The following MAP7 variants were observed in gnomAD, a reference collection of about 807,000 sequenced individuals.
MAP7 encodes the protein microtubule associated protein 7.
Under a neutral mutation model 94.8 loss-of-function variants are expected in MAP7, and 52 were observed. The ratio of observed to expected loss-of-function variants is 0.55; its 90% CI spans 0.44 to 0.69. MAP7 has a LOEUF of 0.69. Ranked by LOEUF, MAP7 falls within the 30% of genes least tolerant of loss-of-function variation. The probability of loss-of-function intolerance (pLI) is 0.00; values close to 1 mark genes in which losing one functional copy is unlikely to be tolerated. For missense variants in MAP7, 940 were observed against 964.6 expected, an observed-to-expected ratio of 0.97 and a Z score of 0.34; for synonymous variants, 350 against 357.0, an observed-to-expected ratio of 0.98 and a Z score of 0.22.
At position 136,345,891 on chromosome 6, in the gene MAP7, G is replaced by A. The variant is rs1160701256; in HGVS notation, c.2204C>T (p.Pro735Leu). 5 of 1,614,154 alleles carry A rather than the reference G, an allele frequency of 3.1e-6. No homozygotes were observed. Among genetic ancestry groups the A allele is most frequent in the Non-Finnish European group, 4.2e-6 (5 of 1,180,016 alleles). The change falls in exon 17 of 18, where the codon CCT becomes CTT. Residue 735 changes from proline (P) to leucine (L), a missense_variant. Pro to Leu is a moderately conservative substitution (Grantham distance 98). Transcript: ENST00000354570. ...FDDEGTLGPL[P>L]QVDGVQTQQT... ...CTGTGTCTGAACACCATCTACCTGAGGCAGGGGCCCAAGTGTCCCTTCATC... is the reference window on the plus strand; with the variant it reads ...CTGTGTCTGAACACCATCTACCTGAAGCAGGGGCCCAAGTGTCCCTTCATC...
chr6:136,415,563 C>T (rs1789111416), intron 2 of MAP7, among the ~76,000 whole-genome samples: 1 of 152,152 alleles, frequency 6.6e-6, no homozygotes, highest in Non-Finnish European at 1.5e-5. Flanking sequence ...TGAGGCAATG[C>T]CCGATTGTGC....
intron 1 of MAP7, among the ~76,000 whole-genome samples, chr6:136,489,512 G>T: frequency 1.4e-5 from 2 of 142,222 alleles, no homozygotes; most frequent in Admixed American, 7.0e-5. Flanking sequence ...ACAATGCTCT[G>T]TAACATCAGG....
intron 1 of MAP7, among the ~76,000 whole-genome samples, chr6:136,456,594 C>T (rs1306678682): frequency 6.6e-6 from 1 of 151,554 alleles, no homozygotes. Context: ...ATCACCTGAT[C>T]CCAGGAGATC....
chr6:136,419,130 C>T (rs2128762945), intron 2 of MAP7, among the ~76,000 whole-genome samples: 1 of 152,304 alleles, frequency 6.6e-6, no homozygotes, highest in South Asian at 2.1e-4. Context: ...AATCTCTCGT[C>T]ACACTGGTGG....
chr6:136,452,323 C>A (rs1801407492), intron 1 of MAP7, among the ~76,000 whole-genome samples: 1 of 152,290 alleles, frequency 6.6e-6, no homozygotes, highest in East Asian at 1.9e-4. Context: ...GGTGAAGATA[C>A]TATGAATGTT....
chr6:136,487,522 G>A (rs1338602302), intron 1 of MAP7, among the ~76,000 whole-genome samples: 4 of 152,104 alleles, frequency 2.6e-5, no homozygotes, highest in South Asian at 2.1e-4. Flanking sequence ...GTAACATAGC[G>A]AGATCCCGTT....
At chr6:136,384,537 A>C (rs1479445284) in intron 5 of MAP7, among the ~76,000 whole-genome samples, 1 of 151,028 alleles carries the variant, frequency 6.6e-6, no homozygotes, top group African/African-American at 2.4e-5. Flanking sequence ...TCTGTTGGCC[A>C]GGCTGGCATG....
chr6:136,372,640 AT>A lies in MAP7; in HGVS notation c.752-16del. Reference sequence around the variant, plus strand: ...GCTGCAAGATGCTGAACGAGGACAAATGGGGATAACTAGGGTGCAGGTGATT... The same window carrying A: ...GCTGCAAGATGCTGAACGAGGACAAAGGGGATAACTAGGGTGCAGGTGATT... On this transcript the variant is annotated splice_polypyrimidine_tract_variant and intron_variant, in intron 7 of 17. Coordinates refer to ENST00000354570, the MANE Select transcript of MAP7 (RefSeq NM_003980.6). 7 of 1,614,176 alleles carry A rather than the reference AT, an allele frequency of 4.3e-6. No homozygotes were observed. The highest frequency in any genetic ancestry group is 1.3e-5 in the African/African-American group (1 of 75,060).
At chr6:136,367,726 C>A (rs1382630334) in intron 8 of MAP7, among the ~76,000 whole-genome samples, 1 of 152,124 alleles carries the variant, frequency 6.6e-6, no homozygotes, top group Admixed American at 6.5e-5. Flanking sequence ...ATTTTAGGTC[C>A]CCAAAAGTAG....
chr6:136,480,121 G>T (rs1051346534), intron 1 of MAP7, among the ~76,000 whole-genome samples: 3 of 152,102 alleles, frequency 2.0e-5, no homozygotes, highest in Non-Finnish European at 4.4e-5. Context: ...AACCAAAATA[G>T]CATGGTACTG....
At chr6:136,478,392 G>C (rs1466086227) in intron 1 of MAP7, among the ~76,000 whole-genome samples, 1 of 151,930 alleles carries the variant, frequency 6.6e-6, no homozygotes, top group East Asian at 1.9e-4. Flanking sequence ...AGACCAGCCT[G>C]GGCAAGACAG....
intron 8 of MAP7, among the ~76,000 whole-genome samples, chr6:136,371,839 T>C (rs914018292): frequency 6.6e-6 from 1 of 152,222 alleles, no homozygotes; most frequent in Admixed American, 6.5e-5. Context: ...CTCATTGCAT[T>C]TATAGCATGG....
intron 1 of MAP7, among the ~76,000 whole-genome samples, chr6:136,525,005 AAC>A (rs934585872): frequency 3.3e-5 from 5 of 152,222 alleles, no homozygotes; most frequent in African/African-American, 1.2e-4. Context: ...GAAAATGTAA[AAC>A]ACAGGCCTTA....
intron 3 of MAP7, among the ~76,000 whole-genome samples, chr6:136,404,648 A>T (rs1262950754): frequency 6.6e-6 from 1 of 152,134 alleles, no homozygotes; most frequent in African/African-American, 2.4e-5. Context: ...TAGGAATTTG[A>T]CTCTTCATAT....
At chr6:136,468,653 C>T (rs1477767101) in intron 1 of MAP7, among the ~76,000 whole-genome samples, 1 of 152,126 alleles carries the variant, frequency 6.6e-6, no homozygotes, top group Admixed American at 6.5e-5. Flanking sequence ...TTGAATATCT[C>T]ATGTAATTTA....
chr6:136,416,944 C>T (rs1323525770), intron 2 of MAP7, among the ~76,000 whole-genome samples: 1 of 152,026 alleles, frequency 6.6e-6, no homozygotes, highest in Non-Finnish European at 1.5e-5. Flanking sequence ...AAAGGGAGAC[C>T]TCATCTCCAC....
At chr6:136,531,938 A>G (rs758878655) in intron 1 of MAP7, among the ~76,000 whole-genome samples, 48 of 152,202 alleles carry the variant, frequency 3.2e-4, no homozygotes, top group Admixed American at 5.2e-4. Flanking sequence ...GGATAGACTC[A>G]GGTCCAAAAT....
At chr6:136,377,612 G>C (rs914901187) in intron 7 of MAP7, 143 bp downstream of exon 7, 3 of 610,156 alleles carry the variant, frequency 4.9e-6, no homozygotes, top group Non-Finnish European at 8.9e-6. Flanking sequence ...AACAATGACA[G>C]GGGTATGAAA....
chr6:136,362,696 G>A lies in MAP7; in HGVS notation c.1280C>T (p.Pro427Leu), dbSNP rs1215808852. The part of the protein sequence containing the change: ...PAEPEVGPAA[P>L]AMAPAPASAP... ...CGAGGCTGGAGCTGGGGCCATGGCT[G>A]GAGCAGCTGCACAAATAGGTACAAG... The change falls in exon 11 of 18, where the codon CCA becomes CTA. Residue 427 changes from proline to leucine, a missense_variant. By Grantham distance (98) the Pro-to-Leu change is moderately conservative. Coordinates refer to ENST00000354570, the MANE Select transcript of MAP7 (RefSeq NM_003980.6). The A allele has an allele frequency of 6.3e-7, 1 of 1,589,380 alleles. No homozygotes were observed. The highest frequency in any genetic ancestry group is 8.5e-7 in the Non-Finnish European group (1 of 1,172,010).
Sources: allele counts gnomAD v4.1 joint callset (sites outside exome capture counted in the v4.1 genomes callset), GRCh38; gene constraint gnomAD v4.1.1; transcripts MANE v1.5; gene names NCBI Gene and HGNC (gene_info 2026-07-23, HGNC 2026-07-21).